The following STX6 variants were observed in gnomAD, a reference collection of about 807,000 sequenced individuals.
STX6 encodes syntaxin 6.
Under a neutral mutation model 38.0 loss-of-function variants are expected in STX6, and 23 were observed. That is an observed-to-expected ratio of 0.60 (90% CI 0.43 to 0.86). The LOEUF (loss-of-function observed/expected upper bound fraction) is 0.86, where lower values mean the gene tolerates loss of function less well. Among genes scored for constraint, STX6 ranks in the 40% least tolerant of loss-of-function variants. The pLI, the probability that STX6 is intolerant of heterozygous loss-of-function variation, is 0.00. For synonymous variants in STX6, 123 were observed against 107.5 expected, an observed-to-expected ratio of 1.14 and a Z score of -0.89; for missense variants, 274 against 312.9, an observed-to-expected ratio of 0.88 and a Z score of 0.94.
rs1471326503 is a variant in STX6 at position 180,974,647 on chromosome 1, T to TA, written c.*1922dup. The TA allele has an allele frequency of 1.3e-5, 2 of 152,774 alleles. No individual in the cohort carries two copies. The highest frequency in any genetic ancestry group is 2.9e-5 in the Non-Finnish European group (2 of 68,040). 9.5% of individuals were successfully genotyped at this position (152,774 alleles called of 1,614,324 possible). A position where few individuals can be genotyped will look rare whatever the true frequency, so the allele number is the denominator to read the frequency against. On this transcript the variant is annotated 3_prime_UTR_variant, in exon 8 of 8. Transcript: ENST00000258301. Reference sequence around the variant, plus strand: ...AATGTGTTGTGTGGATTACAGTACTTAGACAAGGTTCACATTTACTTTAAA... The same window carrying TA: ...AATGTGTTGTGTGGATTACAGTACTTAAGACAAGGTTCACATTTACTTTAAA...
At chr1:181,017,391 TCAAAAAAA>T (rs900145058) in intron 1 of STX6, among the ~76,000 whole-genome samples, 3 of 151,916 alleles carry the variant, frequency 2.0e-5, no homozygotes, top group African/African-American at 7.3e-5. Flanking sequence ...AGACTCCGTC[TCAAAAAAA>T]CAAACAAACA....
intron 6 of STX6, chr1:180,988,003 C>CTGTT (rs1281163265): frequency 2.7e-6 from 1 of 373,958 alleles, no homozygotes; most frequent in African/African-American, 2.1e-5. Flanking sequence ...ACATCTGTGT[C>CTGTT]TGTTTTTGGA....
chr1:181,010,764 T>C (rs1433259530), intron 1 of STX6, among the ~76,000 whole-genome samples: 2 of 152,146 alleles, frequency 1.3e-5, no homozygotes, highest in African/African-American at 4.8e-5. Context: ...TTTGGCACCA[T>C]CAGTGCAAAT....
At chr1:181,011,779 G>A (rs902823479) in intron 1 of STX6, among the ~76,000 whole-genome samples, 1 of 152,196 alleles carries the variant, frequency 6.6e-6, no homozygotes, top group Non-Finnish European at 1.5e-5. Context: ...AGTGAGGCAT[G>A]ACCCACAAAT....
chr1:181,012,117 G>A (rs1042614568), intron 1 of STX6, among the ~76,000 whole-genome samples: 8 of 152,146 alleles, frequency 5.3e-5, no homozygotes, highest in Non-Finnish European at 1.0e-4. Flanking sequence ...ACCTTGAATT[G>A]TCAGAGTTCT....
chr1:180,987,490 C>T (rs1383756578), intron 6 of STX6, among the ~76,000 whole-genome samples: 3 of 152,246 alleles, frequency 2.0e-5, no homozygotes, highest in Admixed American at 2.0e-4. Flanking sequence ...TATCCCTTGG[C>T]TTCCAGAAGG....
intron 3 of STX6, among the ~76,000 whole-genome samples, chr1:180,997,349 A>C (rs1655942506): frequency 6.6e-6 from 1 of 152,222 alleles, no homozygotes; most frequent in African/African-American, 2.4e-5. Flanking sequence ...GCAACCGAGG[A>C]ACTGAATTTT....
At chr1:180,978,409 G>GTC (rs1230887233) in intron 7 of STX6, among the ~76,000 whole-genome samples, 1 of 152,152 alleles carries the variant, frequency 6.6e-6, no homozygotes, top group Non-Finnish European at 1.5e-5. Context: ...TAATTGATGA[G>GTC]TCGCTGAAGG....
intron 2 of STX6, 102 bp from the exon 3 acceptor site, chr1:181,002,802 A>T: frequency 1.3e-6 from 1 of 751,588 alleles, no homozygotes; most frequent in Non-Finnish European, 2.2e-6. Context: ...AATCTGGCTC[A>T]AACTTTCTGA....
chr1:181,006,953 C>T (rs1479496923), intron 1 of STX6, among the ~76,000 whole-genome samples: 1 of 152,170 alleles, frequency 6.6e-6, no homozygotes, highest in Non-Finnish European at 1.5e-5. Flanking sequence ...TTGTTCCTTT[C>T]ATGTCAGCCT....
At chr1:181,018,388 C>CAAAAAAAAAAAAAAAAAAAAAAAAA (rs34962747) in intron 1 of STX6, among the ~76,000 whole-genome samples, 1 of 43,048 alleles carries the variant, frequency 2.3e-5, no homozygotes, top group Non-Finnish European at 4.1e-5. Context: ...GACTCTGTCC[C>CAAAAAAAAAAAAAAAAAAAAAAAAA]AAAAAAAAAA....
intron 3 of STX6, among the ~76,000 whole-genome samples, chr1:180,994,001 T>C (rs1293609601): frequency 6.6e-6 from 1 of 152,226 alleles, no homozygotes; most frequent in African/African-American, 2.4e-5. Context: ...CTGAGTTGGA[T>C]TCATGAAAGG....
At chr1:181,014,334 C>T (rs185680783) in intron 1 of STX6, among the ~76,000 whole-genome samples, 228 of 150,334 alleles carry the variant, frequency 1.5e-3, no homozygotes, top group Non-Finnish European at 2.3e-3. Flanking sequence ...GCGAAGGTTG[C>T]AGTAAGCCGA....
intron 7 of STX6, 57 bp downstream of exon 7, chr1:180,984,620 C>G: frequency 1.3e-6 from 1 of 741,578 alleles, no homozygotes; most frequent in Non-Finnish European, 2.3e-6. Context: ...GACAACACCC[C>G]CAAGACAGAG....
intron 7 of STX6, 55 bp from the exon 8 acceptor site, chr1:180,976,701 T>TA (rs1432295725): frequency 6.5e-7 from 1 of 1,527,926 alleles, no homozygotes; most frequent in African/African-American, 1.4e-5. Flanking sequence ...TTCCCCAAGA[T>TA]ACAGTTATAT....
At chr1:180,997,137 G>A (rs777024276) in intron 3 of STX6, among the ~76,000 whole-genome samples, 2 of 152,146 alleles carry the variant, frequency 1.3e-5, no homozygotes, top group Non-Finnish European at 2.9e-5. Context: ...TATTTCTTCT[G>A]TACATTTAGA....
Position 180,984,712 on chromosome 1 carries a change from A to G in STX6, c.656T>C (p.Met219Thr). 2 of 1,596,098 alleles carry G rather than the reference A, an allele frequency of 1.3e-6. No homozygotes were observed. Among genetic ancestry groups the G allele is most frequent in the Non-Finnish European group, 1.7e-6 (2 of 1,163,766 alleles). Residue 219 changes from methionine (M) to threonine (T), a missense_variant, in exon 7 of 8, where the codon ATG (methionine) becomes ACG (threonine). Coordinates refer to ENST00000258301, the MANE Select transcript of STX6 (RefSeq NM_005819.6). Reference sequence around the variant, plus strand: ...ATGAGATACTTTTGCAAGTTTCTTCATCACATTGTCCAGCCGGGACTGAGT... The same window carrying G: ...ATGAGATACTTTTGCAAGTTTCTTCGTCACATTGTCCAGCCGGGACTGAGT... ...ESTQSRLDNVMKKLAKVSHMT... is the reference protein window; with the variant it reads ...ESTQSRLDNVTKKLAKVSHMT...
In STX6 at chr1:181,022,822, C is replaced by T. The variant is rs1656786026; in HGVS notation, c.-149G>A. 2 of 712,430 alleles carry T rather than the reference C, an allele frequency of 2.8e-6. No homozygotes were observed. The highest frequency in any genetic ancestry group is 4.7e-6 in the Non-Finnish European group (2 of 429,396). 44.1% of individuals were successfully genotyped at this position (712,430 alleles called of 1,614,324 possible). A position where few individuals can be genotyped will look rare whatever the true frequency, so the allele number is the denominator to read the frequency against. On this transcript the variant is annotated 5_prime_UTR_variant, in exon 1 of 8. Transcript: ENST00000258301. ...AGCGGGCACGCGCACAGGCCAGGTG[C>T]ACAGGACGGCCGCTGGTCCAGCACT...
intron 7 of STX6, among the ~76,000 whole-genome samples, chr1:180,983,417 C>A (rs562153478): frequency 7.2e-5 from 11 of 152,254 alleles, no homozygotes; most frequent in Admixed American, 4.6e-4. Flanking sequence ...CACCAAGCAA[C>A]CCCCACCAGA....
Sources: gnomAD v4.1 joint callset for allele counts (sites outside exome capture counted in the v4.1 genomes callset) on GRCh38, gnomAD v4.1.1 for gene constraint, MANE v1.5 for transcripts, NCBI Gene and HGNC (gene_info 2026-07-23, HGNC 2026-07-21) for gene names.